Variants in NOM1 observed in about 807,000 individuals in gnomAD.
The protein encoded by NOM1 is nucleolar MIF4G domain-containing protein 1.
A neutral mutation model predicts 73.3 loss-of-function variants in NOM1; 58 were observed. That is an observed-to-expected ratio of 0.79 (90% CI 0.64 to 0.99). The LOEUF is 0.99. NOM1 is among the 50% of genes least tolerant of loss of function. NOM1 has a pLI of 0.00. For missense variants in NOM1, 1,226 were observed against 1,131.9 expected (o/e 1.08, Z -1.19); for synonymous variants, 487 against 446.8 (o/e 1.09, Z -1.14).
In NOM1 at chr7:156,972,953, T is replaced by G. The variant is rs1805174938; in HGVS notation, c.*3250T>G. The G allele has an allele frequency of 6.6e-6, 1 of 151,650 alleles. No homozygotes were observed. The highest frequency in any genetic ancestry group is 2.4e-5 in the African/African-American group (1 of 41,116). The allele number at this position is 151,650 out of a possible 1,614,324, so 9.4% of individuals were successfully genotyped here. A position where few individuals can be genotyped will look rare whatever the true frequency, so the allele number is the denominator to read the frequency against. ...GAATTGCTTTTAAATATATAGGGGGTTTTTTGAAATTTATTACAGTGCAAT... is the reference window on the plus strand; with the variant it reads ...GAATTGCTTTTAAATATATAGGGGGGTTTTTGAAATTTATTACAGTGCAAT... On this transcript the variant is annotated 3_prime_UTR_variant, in exon 11 of 11. Coordinates refer to ENST00000275820, the MANE Select transcript of NOM1 (RefSeq NM_138400.2).
At chr7:156,963,871 A>G (rs772756564) in intron 6 of NOM1, 34 bp from the exon 7 acceptor site, 5 of 1,597,076 alleles carry the variant, frequency 3.1e-6, no homozygotes, top group African/African-American at 1.3e-5. Context: ...GCATGGAGAC[A>G]TGCGTATGAC....
intron 5 of NOM1, among the ~76,000 whole-genome samples, chr7:156,962,566 C>T (rs1804893025): frequency 6.6e-6 from 1 of 152,180 alleles, no homozygotes; most frequent in South Asian, 2.1e-4. Flanking sequence ...AAGGCCAAGT[C>T]CCCATCCGGA....
chr7:156,957,410 T>C (rs1003619558), intron 3 of NOM1, among the ~76,000 whole-genome samples: 3 of 152,232 alleles, frequency 2.0e-5, no homozygotes, highest in Non-Finnish European at 4.4e-5. Flanking sequence ...TATGCTGTTA[T>C]ATTTTATTTT....
At chr7:156,963,211 G>T (rs62492704) in intron 6 of NOM1, 36 bp downstream of exon 6, 2 of 1,611,420 alleles carry the variant, frequency 1.2e-6, no homozygotes, top group African/African-American at 1.3e-5. Context: ...CCAGGCAGAG[G>T]CACCCCCCTG....
chr7:156,969,402 G>C, intron 10 of NOM1, 127 bp from the exon 11 acceptor site: 1 of 850,788 alleles, frequency 1.2e-6, no homozygotes, highest in Non-Finnish European at 1.8e-6. Flanking sequence ...AATATGTTAA[G>C]AAGTTCTTAA....
Position 156,949,834 on chromosome 7 carries a change from G to T in NOM1, c.97G>T (p.Gly33Cys). The T allele has an allele frequency of 6.9e-7, 1 of 1,449,498 alleles. No individual in the cohort carries two copies. Among genetic ancestry groups the T allele is most frequent in the Non-Finnish European group, 9.1e-7 (1 of 1,103,380 alleles). 89.8% of individuals were successfully genotyped at this position (1,449,498 alleles called of 1,614,324 possible). Residue 33 changes from glycine (G) to cysteine (C), a missense_variant, in exon 1 of 11, where the codon GGT becomes TGT. Transcript: ENST00000275820. Reference sequence around the variant, plus strand: ...CAGAGGCGGGCGCGGGCCGCGCCGCGGTCCTGCTGGCGGTGGGGAGAAGGC... The same window carrying T: ...CAGAGGCGGGCGCGGGCCGCGCCGCTGTCCTGCTGGCGGTGGGGAGAAGGC... Reference protein sequence around the residue: ...KRRGGRGPRRGPAGGGEKALK... With the variant: ...KRRGGRGPRRCPAGGGEKALK...
intron 9 of NOM1, 151 bp downstream of exon 9, chr7:156,967,243 C>T (rs1586576155): frequency 1.7e-5 from 15 of 891,790 alleles, no homozygotes; most frequent in Non-Finnish European, 1.8e-5. Flanking sequence ...GGACAGAAAA[C>T]GGCCAGACTA....
In NOM1 at chr7:156,950,051, A is replaced by G. The variant is rs1019426027; in HGVS notation, c.314A>G (p.Glu105Gly). The G allele has an allele frequency of 2.6e-6, 4 of 1,543,224 alleles. No homozygotes were observed. Among genetic ancestry groups the G allele is most frequent in the Non-Finnish European group, 3.5e-6 (4 of 1,146,900 alleles). ...ARRLQRTAGP[E>G]QGPGLGGRSG... ...CGGCTGCAGAGGACGGCGGGCCCCG[A>G]ACAGGGTCCCGGCCTGGGAGGCCGA... Residue 105 changes from glutamate (E) to glycine (G), a missense_variant, in exon 1 of 11, where the codon GAA becomes GGA. Transcript: ENST00000275820.
intron 3 of NOM1, chr7:156,958,723 A>G (rs1804788522): frequency 6.6e-6 from 1 of 152,302 alleles, no homozygotes; most frequent in African/African-American, 2.4e-5. Flanking sequence ...CAGCACAAGG[A>G]GAACACTTAG....
Position 156,969,777 on chromosome 7 carries a change from G to C in NOM1, c.*74G>C, listed in dbSNP as rs958076239. 2 of 1,398,682 alleles carry C rather than the reference G, an allele frequency of 1.4e-6. No individual in the cohort carries two copies. Among genetic ancestry groups the C allele is most frequent in the African/African-American group, 2.9e-5 (2 of 69,292 alleles). The allele number at this position is 1,398,682 out of a possible 1,614,324, so 86.6% of individuals were successfully genotyped here. ...GGTAAACCCAAAGGCTTATTCTGTT[G>C]CCTGCGTGTGAATGTTTGGTAGAGC... On this transcript the variant is annotated 3_prime_UTR_variant, in exon 11 of 11. Transcript: ENST00000275820.
chr7:156,963,260 T>G (rs1438070371), intron 6 of NOM1, 85 bp downstream of exon 6: 1 of 1,431,764 alleles, frequency 7.0e-7, no homozygotes, highest in Admixed American at 1.7e-5. Flanking sequence ...AGCAGCTCTC[T>G]TACTGTTCTT....
intron 3 of NOM1, among the ~76,000 whole-genome samples, chr7:156,954,522 CT>C (rs34176770): frequency 0.24 from 24,504 of 101,512 alleles, 2,530 homozygotes; most frequent in African/African-American, 0.29. Context: ...TCTGTCCATT[CT>C]TTTTTTTTTT....
chr7:156,957,360 T>A (rs1244357963), intron 3 of NOM1, among the ~76,000 whole-genome samples: 2 of 152,254 alleles, frequency 1.3e-5, no homozygotes, highest in Non-Finnish European at 2.9e-5. Context: ...TGTGCTTGAA[T>A]AACTTTACCA....
At chr7:156,966,245 CA>C in intron 7 of NOM1, 24 bp from the exon 8 acceptor site, 1 of 1,611,818 alleles carries the variant, frequency 6.2e-7, no homozygotes, top group Non-Finnish European at 8.5e-7. Flanking sequence ...AGTGATGTTC[CA>C]GTCATTGCTG....
At position 156,962,278 on chromosome 7, in the gene NOM1, T is replaced by C; in HGVS notation, c.1743+17T>C. On this transcript the variant is annotated intron_variant, in intron 5 of 10. Coordinates refer to ENST00000275820, the MANE Select transcript of NOM1 (RefSeq NM_138400.2). The stretch of plus-strand genomic sequence containing the variant: ...AGAGCTTTGGTGAGTCAAGGAACTT[T>C]CAATTCTGTTTTGCTCAGAGCTTCC... The C allele has an allele frequency of 6.3e-7, 1 of 1,591,150 alleles. No individual in the cohort carries two copies. The highest frequency in any genetic ancestry group is 8.6e-7 in the Non-Finnish European group (1 of 1,159,166).
rs1362585509 is a variant in NOM1, at chr7:156,949,785, G to A, written c.48G>A (p.Gln16=). The A allele has an allele frequency of 1.4e-6, 2 of 1,405,088 alleles. No individual in the cohort carries two copies. Among genetic ancestry groups the A allele is most frequent in the Non-Finnish European group, 1.8e-6 (2 of 1,084,450 alleles). The allele number at this position is 1,405,088 out of a possible 1,614,324, so 87.0% of individuals were successfully genotyped here. ...SAGEAGPGGS[Q]GRVVRMKRRG... The stretch of plus-strand genomic sequence containing the variant: ...GAGAGGCCGGCCCGGGCGGCTCCCA[G>A]GGACGCGTGGTCCGCATGAAGCGCA... Residue 16 remains glutamine (Q), a synonymous_variant, in exon 1 of 11, where the codon CAG becomes CAA. Coordinates refer to ENST00000275820, the MANE Select transcript of NOM1 (RefSeq NM_138400.2).
At position 156,963,862 on chromosome 7, in the gene NOM1, C is replaced by T. The variant is rs761444537; in HGVS notation, c.1912-43C>T. ...TTGGCACCTCTCGGGAGGCAGTTTG[C>T]ATGGAGACATGCGTATGACTTGTCC... On this transcript the variant is annotated intron_variant, in intron 6 of 10. Transcript: ENST00000275820. 3 of 1,588,922 alleles carry T rather than the reference C, an allele frequency of 1.9e-6. No homozygotes were observed. The Admixed American group carries it at 5.2e-5, about 28-fold the overall frequency.
Position 156,950,778 on chromosome 7 carries a change from C to G in NOM1, c.987+54C>G, listed in dbSNP as rs1027597819. On this transcript the variant is annotated intron_variant, in intron 1 of 10. Transcript: ENST00000275820. ...TGGGATTTCCTTCAAAATAACGGGA[C>G]AGGGAATGGGGCGTGAGGCAGAAAT... 14 of 1,465,200 alleles carry G rather than the reference C, an allele frequency of 9.6e-6. No individual in the cohort carries two copies. In the Admixed American group the frequency reaches 2.3e-4, roughly 24 times the overall value. The allele number at this position is 1,465,200 out of a possible 1,614,324, so 90.8% of individuals were successfully genotyped here. A position where few individuals can be genotyped will look rare whatever the true frequency, so the allele number is the denominator to read the frequency against.
In NOM1 at chr7:156,969,751, T is replaced by G. The variant is rs746695217; in HGVS notation, c.*48T>G. On this transcript the variant is annotated 3_prime_UTR_variant, in exon 11 of 11. Transcript: ENST00000275820. ...TGGCCCTTTGACTGTAAAATGTCCT[T>G]GGTAAACCCAAAGGCTTATTCTGTT... 3.6e-5 allele frequency: 56 copies of G among 1,558,594 alleles called. 1 individual carries two copies. In the South Asian group the frequency reaches 3.7e-4, roughly 10 times the overall value.
Sources: gnomAD v4.1 joint callset for allele counts (sites outside exome capture counted in the v4.1 genomes callset) on GRCh38, gnomAD v4.1.1 for gene constraint, MANE v1.5 for transcripts, NCBI Gene and HGNC (gene_info 2026-07-23, HGNC 2026-07-21) for gene names.